KMT2E: variants seen among roughly 807,000 people sequenced by gnomAD.
The protein encoded by KMT2E is lysine methyltransferase 2E (inactive).
KMT2E carries 30 observed loss-of-function variants against 184.6 expected under a neutral mutation model. The observed-to-expected ratio is 0.16, with a 90% confidence interval of 0.12 to 0.22. KMT2E has a LOEUF of 0.22. KMT2E is among the 10% of genes least tolerant of loss of function. KMT2E has a pLI of 1.00. For synonymous variants in KMT2E, 815 were observed against 776.5 expected (o/e 1.05, Z -0.82); for missense variants, 2,023 against 2,237.4 (o/e 0.90, Z 1.93).
chr7:105,054,164 C>G (rs1796463748), intron 3 of KMT2E, among the ~76,000 whole-genome samples: 1 of 150,540 alleles, frequency 6.6e-6, no homozygotes, highest in Non-Finnish European at 1.5e-5. Context: ...GAGCAAGACT[C>G]TGTCTCAAAA....
intron 13 of KMT2E, among the ~76,000 whole-genome samples, chr7:105,085,709 A>G (rs1265771265): frequency 2.0e-5 from 3 of 147,238 alleles, no homozygotes; most frequent in Admixed American, 2.0e-4. Context: ...TTGGAGACGG[A>G]GTCTCGCTCT....
chr7:105,033,393 A>G (rs904212159), intron 1 of KMT2E, among the ~76,000 whole-genome samples: 3 of 152,212 alleles, frequency 2.0e-5, no homozygotes, highest in Admixed American at 6.5e-5. Context: ...ATGTATTTTT[A>G]CCCAGTGTCT....
In KMT2E at chr7:105,112,396, C is replaced by G. The variant is rs747403321; in HGVS notation, c.4640C>G (p.Pro1547Arg). 6.2e-7 allele frequency: 1 copy of G among 1,612,566 alleles called. No individual in the cohort carries two copies. Among genetic ancestry groups the G allele is most frequent in the South Asian group, 1.1e-5 (1 of 91,052 alleles). Residue 1547 changes from proline to arginine, a missense_variant, in exon 27 of 27, where the codon CCA (proline) becomes CGA (arginine). By Grantham distance (103) the Pro-to-Arg change is moderately radical. Coordinates refer to ENST00000311117, the MANE Select transcript of KMT2E (RefSeq NM_182931.3). Reference sequence around the variant, plus strand: ...CTGAACAGCACGGCACCACCCCCTCCACCTCCTCCACCTCCTTCTTCGTCT... The same window carrying G: ...CTGAACAGCACGGCACCACCCCCTCGACCTCCTCCACCTCCTTCTTCGTCT... ...QSLNSTAPPPPPPPPPSSSYY... is the reference protein window; with the variant it reads ...QSLNSTAPPPRPPPPPSSSYY...
At chr7:105,082,442 T>C (rs560678049) in intron 13 of KMT2E, among the ~76,000 whole-genome samples, 3 of 152,348 alleles carry the variant, frequency 2.0e-5, no homozygotes, top group Admixed American at 1.3e-4. Context: ...GTATGTCTTA[T>C]ACTGTATTCT....
At position 105,077,521 on chromosome 7, in the gene KMT2E, C is replaced by CT. The variant is rs1294019236; in HGVS notation, c.1130+95dup. 6.1e-6 allele frequency: 6 copies of CT among 987,870 alleles called. No individual in the cohort carries two copies. In the East Asian group the frequency reaches 9.7e-5, roughly 16 times the overall value. The allele number at this position is 987,870 out of a possible 1,614,324, so 61.2% of individuals were successfully genotyped here. A position where few individuals can be genotyped will look rare whatever the true frequency, so the allele number is the denominator to read the frequency against. On this transcript the variant is annotated intron_variant, in intron 11 of 26. Transcript: ENST00000311117. ...TACCTAGATGTTGTGATTATATGTACTTTTTTTCCTACATGATCATTTCAG... is the reference window on the plus strand; with the variant it reads ...TACCTAGATGTTGTGATTATATGTACTTTTTTTTCCTACATGATCATTTCAG...
chr7:105,029,492 A>G (rs952328955), intron 1 of KMT2E, among the ~76,000 whole-genome samples: 2 of 152,208 alleles, frequency 1.3e-5, no homozygotes, highest in South Asian at 4.1e-4. Context: ...TTAGAGACAA[A>G]TTACTTAGAA....
chr7:105,055,839 A>G (rs1796554281), intron 3 of KMT2E, among the ~76,000 whole-genome samples: 1 of 151,432 alleles, frequency 6.6e-6, no homozygotes, highest in Non-Finnish European at 1.5e-5. Context: ...TCCTGTGCAT[A>G]CCTCTGATGG....
chr7:105,106,474 A>C, intron 19 of KMT2E, 48 bp from the exon 20 acceptor site: 1 of 1,504,336 alleles, frequency 6.6e-7, no homozygotes, highest in Non-Finnish European at 9.2e-7. Context: ...ACAGATTTTA[A>C]CAAATAGCAA....
At chr7:105,095,401 G>GTAAA (rs1308154450) in intron 15 of KMT2E, among the ~76,000 whole-genome samples, 1 of 152,176 alleles carries the variant, frequency 6.6e-6, no homozygotes, top group Non-Finnish European at 1.5e-5. Flanking sequence ...GGAGAGAGCT[G>GTAAA]TAAATATATT....
At position 105,112,403 on chromosome 7, in the gene KMT2E, TCCA is replaced by T; in HGVS notation, c.4650_4652del (p.Pro1552del). 1 of 1,612,478 alleles carries T rather than the reference TCCA, an allele frequency of 6.2e-7. No homozygotes were observed. The highest frequency in any genetic ancestry group is 8.5e-7 in the Non-Finnish European group (1 of 1,179,754). ...GCACGGCACCACCCCCTCCACCTCC[TCCA>T]CCTCCTTCTTCGTCTTACTATCAAA... is the stretch of plus-strand genomic sequence containing the variant. On this transcript the variant is annotated inframe_deletion, in exon 27 of 27. Coordinates refer to ENST00000311117, the MANE Select transcript of KMT2E (RefSeq NM_182931.3).
intron 4 of KMT2E, among the ~76,000 whole-genome samples, 200 bp downstream of exon 4, chr7:105,062,478 A>T (rs1404993502): frequency 2.0e-5 from 3 of 152,132 alleles, no homozygotes; most frequent in Admixed American, 6.6e-5. Flanking sequence ...ATTATTTTGC[A>T]ATTTATGCTG....
intron 3 of KMT2E, among the ~76,000 whole-genome samples, chr7:105,041,984 T>C (rs1795901844): frequency 6.6e-6 from 1 of 152,130 alleles, no homozygotes; most frequent in Non-Finnish European, 1.5e-5. Flanking sequence ...CCTTGCATTG[T>C]TTACAACTGT....
chr7:105,105,702 T>C lies in KMT2E; in HGVS notation c.2451+9T>C, dbSNP rs1464416688. ...CTGGTTCATGCAAGAAGGTAAACTT[T>C]TCTTTGGAAGTAAAAATGTAGAATG... On this transcript the variant is annotated intron_variant, in intron 18 of 26. Transcript: ENST00000311117. 2 of 1,592,204 alleles carry C rather than the reference T, an allele frequency of 1.3e-6. No homozygotes were observed. The highest frequency in any genetic ancestry group is 1.2e-5 in the South Asian group (1 of 86,836).
intron 15 of KMT2E, among the ~76,000 whole-genome samples, chr7:105,097,200 T>A (rs2237602): frequency 0.27 from 40,755 of 152,066 alleles, 7,979 homozygotes; most frequent in East Asian, 0.58. Context: ...ATAGGATAAG[T>A]TTGTTGCCAG....
chr7:105,110,887 C>G lies in KMT2E; in HGVS notation c.4068+19C>G, dbSNP rs760590769. On this transcript the variant is annotated intron_variant, in intron 26 of 26. Coordinates refer to ENST00000311117, the MANE Select transcript of KMT2E (RefSeq NM_182931.3). ...GAGCAAGGTAATAACATTGACCTTT[C>G]GATGGGTTCCAAAGGACTTTAGGTT... 1 of 1,550,698 alleles carries G rather than the reference C, an allele frequency of 6.4e-7. No individual in the cohort carries two copies. The highest frequency in any genetic ancestry group is 1.1e-5 in the South Asian group (1 of 89,752).
Position 105,063,450 on chromosome 7 carries a change from A to C in KMT2E, c.286A>C (p.Asn96His). 6.2e-7 allele frequency: 1 copy of C among 1,613,828 alleles called. No homozygotes were observed. Among genetic ancestry groups the C allele is most frequent in the Non-Finnish European group, 8.5e-7 (1 of 1,179,784 alleles). The change falls in exon 5 of 27, where the codon AAT becomes CAT. Residue 96 changes from asparagine (N) to histidine (H), a missense_variant. Asn to His is a moderately conservative substitution (Grantham distance 68). Around this residue, in one of 8 missense-constraint regions of KMT2E, gnomAD observed 48 missense variants for 51.5 expected, o/e 0.93. Transcript: ENST00000311117. ...KNEVGIFTTP[N>H]FDETSSATTI... is the part of the protein sequence containing the mutation. ...TGAAGTAGGCATATTTACCACTCCT[A>C]ATTTTGATGAAACTTCCAGTGCTAC...
At chr7:105,106,933 T>G (rs962671302) in intron 20 of KMT2E, among the ~76,000 whole-genome samples, 161 bp downstream of exon 20, 1 of 152,194 alleles carries the variant, frequency 6.6e-6, no homozygotes, top group African/African-American at 2.4e-5. Flanking sequence ...AATTTAGATG[T>G]TTTTATTTTT....
rs543832143 is a variant in KMT2E, at chr7:105,062,035, A to G, written c.72-129A>G. ...GATATATCTTATCTATAGTGTATCC[A>G]CCTGCTGTAAGTAGATACTGTATTT... On this transcript the variant is annotated intron_variant, in intron 3 of 26. Transcript: ENST00000311117. 3 of 648,506 alleles carry G rather than the reference A, an allele frequency of 4.6e-6. No individual in the cohort carries two copies. The East Asian group carries it at 7.8e-5, about 17-fold the overall frequency. The allele number at this position is 648,506 out of a possible 1,614,324, so 40.2% of individuals were successfully genotyped here.
At chr7:105,051,067 C>A (rs983040566) in intron 3 of KMT2E, among the ~76,000 whole-genome samples, 1 of 150,098 alleles carries the variant, frequency 6.7e-6, no homozygotes, top group African/African-American at 2.5e-5. Context: ...CCTTTTCTTT[C>A]TTTCTTTCTT....
Sources: allele counts gnomAD v4.1 joint callset (sites outside exome capture counted in the v4.1 genomes callset), GRCh38; gene constraint gnomAD v4.1.1; regional missense constraint gnomAD v4.1.1; transcripts MANE v1.5; gene names NCBI Gene and HGNC (gene_info 2026-07-23, HGNC 2026-07-21).